The following FGFR1 variants were observed in gnomAD, a reference collection of about 807,000 sequenced individuals.
FGFR1 encodes fibroblast growth factor receptor 1, also known as FGFR1/PLAG1 fusion.
FGFR1 carries 18 observed loss-of-function variants against 93.7 expected under a neutral mutation model. The observed-to-expected ratio is 0.19, with a 90% CI of 0.13 to 0.28. The LOEUF is 0.28. FGFR1 is among the 10% of genes least tolerant of loss of function. The pLI is 1.00. For missense variants in FGFR1, 731 were observed against 1,080.4 expected (o/e 0.68, Z 4.53); for synonymous variants, 448 against 429.3 (o/e 1.04, Z -0.54).
At position 38,467,993 on chromosome 8, in the gene FGFR1, G is replaced by A. The variant is rs879268255; in HGVS notation, c.-101C>T. ...CCGCGGCTCTTACCTCGCTCGGCGT[G>A]GAGGTTCCGCCTCGGGAGAGTCCGC... On this transcript the variant is annotated 5_prime_UTR_variant, in exon 1 of 18. Coordinates refer to ENST00000447712, the MANE Select transcript of FGFR1 (RefSeq NM_023110.3). 1 of 219,650 alleles carries A rather than the reference G, an allele frequency of 4.6e-6. No homozygotes were observed. Among genetic ancestry groups the A allele is most frequent in the African/African-American group, 2.2e-5 (1 of 44,588 alleles). 13.6% of individuals were successfully genotyped at this position (219,650 alleles called of 1,614,324 possible).
chr8:38,443,013 G>A (rs1276679122), intron 2 of FGFR1, among the ~76,000 whole-genome samples: 1 of 152,168 alleles, frequency 6.6e-6, no homozygotes, highest in African/African-American at 2.4e-5. Flanking sequence ...TTCTCTTAAG[G>A]TTTCACACGA....
intron 2 of FGFR1, among the ~76,000 whole-genome samples, chr8:38,433,190 C>CTAG (rs981317210): frequency 2.6e-5 from 4 of 152,106 alleles, no homozygotes; most frequent in African/African-American, 9.7e-5. Context: ...AATTTAAAAA[C>CTAG]TAGCCAGACT....
chr8:38,453,291 G>A (rs1831685181), intron 2 of FGFR1, among the ~76,000 whole-genome samples: 1 of 152,206 alleles, frequency 6.6e-6, no homozygotes, highest in Non-Finnish European at 1.5e-5. Context: ...TCCTCGCCAT[G>A]TGCCGTCTCC....
At position 38,429,656 on chromosome 8, in the gene FGFR1, G is replaced by A. The variant is rs1357433548; in HGVS notation, c.358+26C>T. 1.3e-6 allele frequency: 2 copies of A among 1,556,748 alleles called. No homozygotes were observed. The highest frequency in any genetic ancestry group is 8.7e-7 in the Non-Finnish European group (1 of 1,149,790). Reference sequence around the variant, plus strand: ...GCTGGAGGGGGTGGGTCTAGGGAGGGGCAAGGGCAGGGCTTGGCTACCAAC... The same window carrying A: ...GCTGGAGGGGGTGGGTCTAGGGAGGAGCAAGGGCAGGGCTTGGCTACCAAC... On this transcript the variant is annotated intron_variant, in intron 3 of 17. Coordinates refer to ENST00000447712, the MANE Select transcript of FGFR1 (RefSeq NM_023110.3). This position sits in a 1 kb window ranked among gnomAD's most constrained non-coding sequence, Gnocchi z 4.4.
chr8:38,431,703 C>T (rs1020793499), intron 2 of FGFR1, among the ~76,000 whole-genome samples: 3 of 152,132 alleles, frequency 2.0e-5, no homozygotes, highest in Non-Finnish European at 4.4e-5. Flanking sequence ...TGGGCTTTAT[C>T]TTAAATAAGA....
At chr8:38,455,260 T>C (rs1832474377) in intron 2 of FGFR1, among the ~76,000 whole-genome samples, 1 of 152,090 alleles carries the variant, frequency 6.6e-6, no homozygotes, top group Non-Finnish European at 1.5e-5. Flanking sequence ...ACCAGCATAA[T>C]CCACGCCTGG....
chr8:38,416,448 A>ATTTT (rs57944426), intron 12 of FGFR1, among the ~76,000 whole-genome samples: 7 of 80,938 alleles, frequency 8.6e-5, no homozygotes, highest in South Asian at 5.3e-4. Flanking sequence ...TGCCTGGCTA[A>ATTTT]TTTTTTTTTT....
At position 38,428,636 on chromosome 8, in the gene FGFR1, C is replaced by G; in HGVS notation, c.359-201G>C. 4 of 597,990 alleles carry G rather than the reference C, an allele frequency of 6.7e-6. 1 individual carries two copies. The highest frequency in any genetic ancestry group is 3.7e-5 in the South Asian group (2 of 53,414). 37.0% of individuals were successfully genotyped at this position (597,990 alleles called of 1,614,324 possible). On this transcript the variant is annotated intron_variant, in intron 3 of 17. Transcript: ENST00000447712. ...GTTTGCTTCCTTCCCCGAAGCACTG[C>G]CCCCACTGCCTGGAAGCCTTCACAC...
Position 38,413,463 on chromosome 8 carries a change from T to C in FGFR1, c.*165A>G. 1.5e-6 allele frequency: 1 copy of C among 665,402 alleles called. No homozygotes were observed. Among genetic ancestry groups the C allele is most frequent in the Non-Finnish European group, 2.6e-6 (1 of 390,268 alleles). The allele number at this position is 665,402 out of a possible 1,614,324, so 41.2% of individuals were successfully genotyped here. A position where few individuals can be genotyped will look rare whatever the true frequency, so the allele number is the denominator to read the frequency against. On this transcript the variant is annotated 3_prime_UTR_variant, in exon 18 of 18. Transcript: ENST00000447712. This position sits in a 1 kb window ranked among gnomAD's most constrained non-coding sequence, Gnocchi z 4.2. ...GGTGGAGAGGAGGTGGAGGGAGAGGTGAGCTGAGTGGGGTGAAGGCAGGCC... is the reference window on the plus strand; with the variant it reads ...GGTGGAGAGGAGGTGGAGGGAGAGGCGAGCTGAGTGGGGTGAAGGCAGGCC...
chr8:38,429,774 T>G lies in FGFR1; in HGVS notation c.266A>C (p.Gln89Pro). ...GCCGGAGTCTGCGGGCACGGAGTCC[T>G]GCACCTCCACCTCCTCCCCTGTGAT... ...TRITGEEVEV[Q>P]DSVPADSGLY... The change falls in exon 3 of 18, where the codon CAG (glutamine) becomes CCG (proline). Residue 89 changes from glutamine to proline, a missense_variant. Gln to Pro is a moderately conservative substitution (Grantham distance 76). Coordinates refer to ENST00000447712, the MANE Select transcript of FGFR1 (RefSeq NM_023110.3). The surrounding 1 kb of genome is among the most constrained non-coding windows in gnomAD (Gnocchi z 4.4). The G allele has an allele frequency of 1.2e-6, 2 of 1,609,744 alleles. No homozygotes were observed. The highest frequency in any genetic ancestry group is 1.7e-6 in the Non-Finnish European group (2 of 1,178,210).
chr8:38,461,424 C>G (rs554103183), intron 1 of FGFR1, among the ~76,000 whole-genome samples: 1 of 152,270 alleles, frequency 6.6e-6, no homozygotes, highest in South Asian at 2.1e-4. Flanking sequence ...AACCTCCATC[C>G]CCCAGACTCA....
At chr8:38,440,984 G>A (rs1827238167) in intron 2 of FGFR1, among the ~76,000 whole-genome samples, 1 of 152,110 alleles carries the variant, frequency 6.6e-6, no homozygotes, top group Non-Finnish European at 1.5e-5. Context: ...CCTTTTGTGC[G>A]TCCCACCTCG....
chr8:38,448,144 A>G (rs1829945185), intron 2 of FGFR1, among the ~76,000 whole-genome samples: 1 of 152,256 alleles, frequency 6.6e-6, no homozygotes, highest in Non-Finnish European at 1.5e-5. Flanking sequence ...GCAAGAAAAA[A>G]GTCTAAAACA....
At chr8:38,452,658 C>A (rs1441957170) in intron 2 of FGFR1, among the ~76,000 whole-genome samples, 1 of 152,114 alleles carries the variant, frequency 6.6e-6, no homozygotes, top group Non-Finnish European at 1.5e-5. Context: ...CCACTGTGCT[C>A]GCCCTATGAT....
At chr8:38,448,279 T>G (rs1459733121) in intron 2 of FGFR1, among the ~76,000 whole-genome samples, 1 of 82,730 alleles carries the variant, frequency 1.2e-5, no homozygotes, top group South Asian at 3.5e-4. Context: ...AAAACACCAA[T>G]TTTTTTTTTT....
intron 1 of FGFR1, among the ~76,000 whole-genome samples, chr8:38,462,896 G>GACCAGCTGCTCATGTT (rs1174089430): frequency 1.4e-5 from 2 of 138,614 alleles, no homozygotes; most frequent in African/African-American, 2.7e-5. Flanking sequence ...GAGCCACTGT[G>GACCAGCTGCTCATGTT]CCTGGCTTTT....
intron 1 of FGFR1, among the ~76,000 whole-genome samples, chr8:38,462,906 T>TC (rs1834735716): frequency 6.7e-6 from 1 of 148,416 alleles, no homozygotes; most frequent in African/African-American, 2.5e-5. Flanking sequence ...GCCTGGCTTT[T>TC]TTTTTTTTTT....
Position 38,413,658 on chromosome 8 carries a change from C to T in FGFR1, c.2439G>A (p.Gln813=), listed in dbSNP as rs749184176. 39 of 1,612,786 alleles carry T rather than the reference C, an allele frequency of 2.4e-5. No homozygotes were observed. Among genetic ancestry groups the T allele is most frequent in the Non-Finnish European group, 3.2e-5 (38 of 1,179,632 alleles). ...EEPCLPRHPA[Q]LANGGLKRR is the part of the protein sequence containing the mutation. ...GGCGTTTGAGTCCGCCATTGGCAAGCTGGGCTGGGTGTCGGGGCAGGCAGG... is the reference window on the plus strand; with the variant it reads ...GGCGTTTGAGTCCGCCATTGGCAAGTTGGGCTGGGTGTCGGGGCAGGCAGG... The change falls in exon 18 of 18, where the codon CAG becomes CAA. Residue 813 remains glutamine (Q), a synonymous_variant. Coordinates refer to ENST00000447712, the MANE Select transcript of FGFR1 (RefSeq NM_023110.3). The surrounding 1 kb of genome is among the most constrained non-coding windows in gnomAD (Gnocchi z 4.2).
chr8:38,437,771 G>A (rs1170033953), intron 2 of FGFR1, among the ~76,000 whole-genome samples: 1 of 152,172 alleles, frequency 6.6e-6, no homozygotes, highest in African/African-American at 2.4e-5. Flanking sequence ...AGATATCCCA[G>A]GGAACACACC....
Sources: allele counts gnomAD v4.1 joint callset (sites outside exome capture counted in the v4.1 genomes callset), GRCh38; gene constraint gnomAD v4.1.1; non-coding constraint Gnocchi (gnomAD v3.1); transcripts MANE v1.5; gene names NCBI Gene and HGNC (gene_info 2026-07-23, HGNC 2026-07-21).